EXPH5: variants seen among roughly 807,000 people sequenced by gnomAD.
The protein encoded by EXPH5 is exophilin 5, also known as exophilin-5.
In EXPH5, 42 loss-of-function variants were observed where a neutral mutation model predicts 41.1. The ratio of observed to expected loss-of-function variants is 1.02; its 90% CI spans 0.80 to 1.32. The LOEUF (loss-of-function observed/expected upper bound fraction) is 1.32, where lower values mean the gene tolerates loss of function less well. Among genes scored for constraint, EXPH5 ranks in the 40% most tolerant of loss-of-function variants. EXPH5 has a pLI of 0.00. For missense variants in EXPH5, 2,298 were observed against 2,314.5 expected, an observed-to-expected ratio of 0.99 and a Z score of 0.15; for synonymous variants, 798 against 833.5, an observed-to-expected ratio of 0.96 and a Z score of 0.73.
At chr11:108,568,811 T>A (rs1426139842) in intron 1 of EXPH5, among the ~76,000 whole-genome samples, 15 of 152,252 alleles carry the variant, frequency 9.9e-5, no homozygotes, top group Non-Finnish European at 1.9e-4. Flanking sequence ...AATTCGACTT[T>A]CCAAATATTT....
chr11:108,515,468 ATAT>A (rs2093718510), intron 5 of EXPH5, among the ~76,000 whole-genome samples: 1 of 80,522 alleles, frequency 1.2e-5, no homozygotes, highest in Admixed American at 1.1e-4. Flanking sequence ...TGGATATATA[ATAT>A]TATTAAATGA....
intron 1 of EXPH5, among the ~76,000 whole-genome samples, chr11:108,560,731 G>A (rs576113137): frequency 2.0e-4 from 31 of 152,114 alleles, no homozygotes; most frequent in Non-Finnish European, 4.3e-4. Context: ...CTGTACTTGG[G>A]GGTAAAATGA....
At chr11:108,585,330 T>C (rs904647048) in intron 1 of EXPH5, among the ~76,000 whole-genome samples, 1 of 152,216 alleles carries the variant, frequency 6.6e-6, no homozygotes, top group African/African-American at 2.4e-5. Flanking sequence ...TGTTGAGCCC[T>C]ACCCCTCAAG....
intron 1 of EXPH5, among the ~76,000 whole-genome samples, chr11:108,544,168 C>A (rs190081566): frequency 4.6e-5 from 7 of 152,224 alleles, no homozygotes; most frequent in Admixed American, 3.9e-4. Flanking sequence ...AATATTAACT[C>A]TCTTTTTACA....
At chr11:108,529,684 A>G (rs1163309438) in intron 3 of EXPH5, among the ~76,000 whole-genome samples, 4 of 152,040 alleles carry the variant, frequency 2.6e-5, no homozygotes, top group African/African-American at 9.7e-5. Flanking sequence ...GTCTCTACTA[A>G]AAATACAAAA....
intron 2 of EXPH5, among the ~76,000 whole-genome samples, chr11:108,540,092 C>T (rs964016024): frequency 8.6e-5 from 13 of 151,858 alleles, no homozygotes; most frequent in South Asian, 6.2e-4. Flanking sequence ...CTGAGGTGGG[C>T]GGTGCATCAC....
intron 1 of EXPH5, among the ~76,000 whole-genome samples, chr11:108,581,354 T>C (rs1455208015): frequency 2.6e-5 from 4 of 151,860 alleles, no homozygotes; most frequent in Non-Finnish European, 5.9e-5. Flanking sequence ...TAGTTTCAAA[T>C]AGCTAGAAGA....
intron 1 of EXPH5, among the ~76,000 whole-genome samples, chr11:108,585,655 T>C (rs534710482): frequency 7.2e-5 from 11 of 152,330 alleles, no homozygotes; most frequent in Admixed American, 5.2e-4. Context: ...GGAACTCTTA[T>C]ATACTGTTGG....
intron 1 of EXPH5, among the ~76,000 whole-genome samples, chr11:108,577,239 T>A (rs991300902): frequency 6.6e-6 from 1 of 152,196 alleles, no homozygotes; most frequent in Non-Finnish European, 1.5e-5. Context: ...ACTGATTTCC[T>A]GTCTTTTGAA....
chr11:108,573,056 A>T (rs533083308), intron 1 of EXPH5, among the ~76,000 whole-genome samples: 2 of 151,114 alleles, frequency 1.3e-5, no homozygotes, highest in East Asian at 3.9e-4. Flanking sequence ...TCTCAAAAAA[A>T]TGTTGAAAAA....
At chr11:108,587,229 C>T (rs772405327) in intron 1 of EXPH5, among the ~76,000 whole-genome samples, 1 of 152,198 alleles carries the variant, frequency 6.6e-6, no homozygotes, top group Non-Finnish European at 1.5e-5. Flanking sequence ...CCCATTAACT[C>T]GTCATTTAGC....
At chr11:108,566,149 C>G (rs1012554711) in intron 1 of EXPH5, among the ~76,000 whole-genome samples, 2 of 152,186 alleles carry the variant, frequency 1.3e-5, no homozygotes, top group Non-Finnish European at 2.9e-5. Context: ...CTTGCTTTAG[C>G]ATTATGAAGA....
At position 108,513,967 on chromosome 11, in the gene EXPH5, C is replaced by T; in HGVS notation, c.1540G>A (p.Ala514Thr). The T allele has an allele frequency of 6.2e-7, 1 of 1,609,146 alleles. No individual in the cohort carries two copies. The highest frequency in any genetic ancestry group is 8.5e-7 in the Non-Finnish European group (1 of 1,178,044). ...CCATGAATGGCTGATACACTATTTGCTTCCATGGAAATCATTTCAAAGTCT... is the reference window on the plus strand; with the variant it reads ...CCATGAATGGCTGATACACTATTTGTTTCCATGGAAATCATTTCAAAGTCT... ...DRDFEMISME[A>T]NSVSAIHGHN... Residue 514 changes from alanine (A) to threonine (T), a missense_variant, in exon 6 of 6, where the codon GCA (alanine) becomes ACA (threonine). Physicochemically the swap from Ala to Thr is moderately conservative, Grantham distance 58. Transcript: ENST00000265843.
chr11:108,563,324 T>C (rs2094020763), intron 1 of EXPH5, among the ~76,000 whole-genome samples: 1 of 152,204 alleles, frequency 6.6e-6, no homozygotes, highest in Non-Finnish European at 1.5e-5. Flanking sequence ...CCAGGGTTTC[T>C]CAAGCAACCA....
the EXPH5 span, among the ~76,000 whole-genome samples, chr11:108,599,010 T>C: frequency 1.5e-5 from 2 of 130,412 alleles, no homozygotes; most frequent in African/African-American, 5.9e-5. Context: ...GTGTAGCATA[T>C]GGTAAGCCCT....
At chr11:108,551,189 G>A (rs966914260) in intron 1 of EXPH5, among the ~76,000 whole-genome samples, 14 of 152,154 alleles carry the variant, frequency 9.2e-5, no homozygotes, top group African/African-American at 2.7e-4. Flanking sequence ...GAACCCACAC[G>A]CCTCTGAGTC....
At chr11:108,549,637 C>T (rs965095380) in intron 1 of EXPH5, among the ~76,000 whole-genome samples, 3 of 152,134 alleles carry the variant, frequency 2.0e-5, no homozygotes, top group Non-Finnish European at 4.4e-5. Flanking sequence ...GTAAGTAATC[C>T]TTTGGCCCCA....
At chr11:108,584,720 T>C (rs2094108554) in intron 1 of EXPH5, among the ~76,000 whole-genome samples, 1 of 152,160 alleles carries the variant, frequency 6.6e-6, no homozygotes, top group Non-Finnish European at 1.5e-5. Flanking sequence ...AAAAATAAAA[T>C]GAACCTCAAT....
chr11:108,573,232 A>G (rs2155439), intron 1 of EXPH5, among the ~76,000 whole-genome samples: 108,465 of 150,724 alleles, frequency 0.72, 39,301 homozygotes, highest in African/African-American at 0.8. Context: ...GGGAAAGCAA[A>G]CCAGCAAGGA....
Sources: gnomAD v4.1 joint callset for allele counts (sites outside exome capture counted in the v4.1 genomes callset) on GRCh38, gnomAD v4.1.1 for gene constraint, MANE v1.5 for transcripts, NCBI Gene and HGNC (gene_info 2026-07-23, HGNC 2026-07-21) for gene names.